The following CYP39A1 variants were observed in gnomAD, a reference collection of about 807,000 sequenced individuals.
CYP39A1 encodes cytochrome P450 family 39 subfamily A member 1.
In CYP39A1, 49 loss-of-function variants were observed where a neutral mutation model predicts 58.1. The ratio of observed to expected loss-of-function variants is 0.84; its 90% CI spans 0.67 to 1.07. The LOEUF (loss-of-function observed/expected upper bound fraction) is 1.07. Among genes scored for constraint, CYP39A1 ranks in the 50% least tolerant of loss-of-function variants. The pLI, the probability that CYP39A1 is intolerant of heterozygous loss-of-function variation, is 0.00. For missense variants in CYP39A1, 531 were observed against 539.4 expected (o/e 0.98, Z 0.16); for synonymous variants, 209 against 187.6 (o/e 1.11, Z -0.93).
chr6:46,564,708 C>A (rs1046575069), intron 10 of CYP39A1, among the ~76,000 whole-genome samples: 1 of 152,168 alleles, frequency 6.6e-6, no homozygotes, highest in African/African-American at 2.4e-5. Flanking sequence ...TTAAAGAGAA[C>A]ACCTCTCTCT....
At chr6:46,594,818 C>A (rs1380032639) in intron 8 of CYP39A1, among the ~76,000 whole-genome samples, 7 of 151,746 alleles carry the variant, frequency 4.6e-5, no homozygotes, top group Non-Finnish European at 8.8e-5. Context: ...AATGGGATTA[C>A]ATTAAACTAA....
At chr6:46,585,360 TAGAC>T (rs902013980) in intron 10 of CYP39A1, among the ~76,000 whole-genome samples, 30 of 145,334 alleles carry the variant, frequency 2.1e-4, no homozygotes, top group East Asian at 1.6e-3. Flanking sequence ...GATAGATAGA[TAGAC>T]AGACAGATAG....
chr6:46,561,507 C>A (rs576958892), intron 10 of CYP39A1, among the ~76,000 whole-genome samples: 2 of 152,106 alleles, frequency 1.3e-5, no homozygotes, highest in Admixed American at 1.3e-4. Flanking sequence ...AAAATAGTAT[C>A]TAGGGACCTG....
At chr6:46,573,012 T>G (rs888640727) in intron 10 of CYP39A1, among the ~76,000 whole-genome samples, 1 of 152,092 alleles carries the variant, frequency 6.6e-6, no homozygotes, top group Non-Finnish European at 1.5e-5. Flanking sequence ...TGCTTTCTTT[T>G]GATCTTTCAA....
chr6:46,614,767 TGTTAAGTA>T (rs1358614579), intron 7 of CYP39A1, among the ~76,000 whole-genome samples: 2 of 152,190 alleles, frequency 1.3e-5, no homozygotes, highest in Admixed American at 1.3e-4. Flanking sequence ...ATTAAAAGTT[TGTTAAGTA>T]GTTTATGTAA....
intron 10 of CYP39A1, chr6:46,586,488 C>T (rs904925541): frequency 8.5e-5 from 84 of 983,900 alleles, no homozygotes; most frequent in Middle Eastern, 5.2e-4. Flanking sequence ...GTTCAAAAAC[C>T]TTTTCTGCTT....
intron 7 of CYP39A1, among the ~76,000 whole-genome samples, chr6:46,622,626 G>A (rs556718807): frequency 6.5e-4 from 99 of 152,012 alleles, no homozygotes; most frequent in Non-Finnish European, 1.1e-3. Flanking sequence ...AAATTAAAAA[G>A]TGTGCAATTA....
intron 7 of CYP39A1, among the ~76,000 whole-genome samples, chr6:46,618,751 A>T (rs1375250476): frequency 2.6e-5 from 4 of 151,986 alleles, no homozygotes; most frequent in Admixed American, 2.6e-4. Context: ...TTTTAAAATA[A>T]TATTTCTTAA....
chr6:46,624,353 C>A (rs1775168615), intron 7 of CYP39A1, among the ~76,000 whole-genome samples: 1 of 152,144 alleles, frequency 6.6e-6, no homozygotes, highest in Non-Finnish European at 1.5e-5. Flanking sequence ...ATGCAAGCTG[C>A]ACAAAGGCCA....
At chr6:46,632,190 CAG>C (rs1775703403) in intron 5 of CYP39A1, among the ~76,000 whole-genome samples, 1 of 151,746 alleles carries the variant, frequency 6.6e-6, no homozygotes, top group African/African-American at 2.4e-5. Context: ...TGTGCGTATT[CAG>C]AGAGTTAAAG....
intron 7 of CYP39A1, among the ~76,000 whole-genome samples, chr6:46,613,514 A>G (rs1374384114): frequency 6.6e-6 from 1 of 152,234 alleles, no homozygotes; most frequent in African/African-American, 2.4e-5. Flanking sequence ...ATTTCTATTA[A>G]TTAATCTGGT....
chr6:46,625,199 T>G (rs1775236251), intron 7 of CYP39A1, among the ~76,000 whole-genome samples: 1 of 152,152 alleles, frequency 6.6e-6, no homozygotes, highest in Non-Finnish European at 1.5e-5. Flanking sequence ...TAGCACTGAT[T>G]TCATCATTTG....
intron 8 of CYP39A1, among the ~76,000 whole-genome samples, chr6:46,590,847 G>A (rs1023819885): frequency 7.9e-5 from 12 of 151,894 alleles, no homozygotes; most frequent in African/African-American, 2.7e-4. Flanking sequence ...CCTTTTTATT[G>A]TATATTCATG....
chr6:46,594,062 T>G (rs1772999366), intron 8 of CYP39A1, among the ~76,000 whole-genome samples: 1 of 152,150 alleles, frequency 6.6e-6, no homozygotes, highest in African/African-American at 2.4e-5. Flanking sequence ...TCATGTTGGT[T>G]GAATCAGTAG....
chr6:46,550,622 A>G (rs1770342382), intron 11 of CYP39A1, among the ~76,000 whole-genome samples, 185 bp from the exon 12 acceptor site: 1 of 152,230 alleles, frequency 6.6e-6, no homozygotes, highest in African/African-American at 2.4e-5. Flanking sequence ...TTCAGGCAGA[A>G]GAAAAAGAAT....
intron 6 of CYP39A1, among the ~76,000 whole-genome samples, chr6:46,629,403 G>T (rs1775515998): frequency 6.6e-6 from 1 of 152,090 alleles, no homozygotes; most frequent in Admixed American, 6.5e-5. Context: ...TTTTGCTATA[G>T]CTTAATCAGT....
rs756745640 is a variant in CYP39A1 at position 46,652,409 on chromosome 6, G to T, written c.174C>A (p.Ile58=). Residue 58 remains isoleucine, a synonymous_variant, in exon 1 of 12, where the codon ATC becomes ATA. Coordinates refer to ENST00000275016, the MANE Select transcript of CYP39A1 (RefSeq NM_016593.5). The part of the protein sequence containing the change: ...APLEFIEKAR[I]KYGPIFTVFA... ...CCCGTCTGCCACGACCACATACCTT[G>T]ATTCTTGCTTTCTCTATAAATTCTA... 3 of 1,611,224 alleles carry T rather than the reference G, an allele frequency of 1.9e-6. No homozygotes were observed.
At chr6:46,588,447 T>A (rs997111145) in intron 8 of CYP39A1, among the ~76,000 whole-genome samples, 18 of 152,178 alleles carry the variant, frequency 1.2e-4, no homozygotes, top group African/African-American at 3.4e-4. Context: ...AATGTCAAAA[T>A]TTTAGAAACT....
intron 8 of CYP39A1, among the ~76,000 whole-genome samples, chr6:46,594,182 G>A (rs547289163): frequency 4.8e-4 from 73 of 152,144 alleles, no homozygotes; most frequent in African/African-American, 1.6e-3. Flanking sequence ...TTTACTTAAA[G>A]TACTTGCCAT....
Sources: gnomAD v4.1 joint callset for allele counts (sites outside exome capture counted in the v4.1 genomes callset) on GRCh38, gnomAD v4.1.1 for gene constraint, MANE v1.5 for transcripts, NCBI Gene and HGNC (gene_info 2026-07-23, HGNC 2026-07-21) for gene names.